Variants in CCDC50 observed in about 807,000 individuals in gnomAD.
CCDC50 encodes the protein coiled-coil domain containing 50.
In CCDC50, 54 loss-of-function variants were observed where a neutral mutation model predicts 70.2. That is an observed-to-expected ratio of 0.77 (90% CI 0.62 to 0.96). The LOEUF is 0.96. Ranked by LOEUF, CCDC50 falls within the 50% of genes least tolerant of loss-of-function variation. The pLI is 0.00. For missense variants in CCDC50, 558 were observed against 578.7 expected (o/e 0.96, Z 0.37); for synonymous variants, 216 against 198.8 (o/e 1.09, Z -0.73).
chr3:191,369,728 A>G (rs1308465996), intron 4 of CCDC50, among the ~76,000 whole-genome samples, 191 bp from the exon 5 acceptor site: 1 of 152,158 alleles, frequency 6.6e-6, no homozygotes, highest in Non-Finnish European at 1.5e-5. Context: ...AGCCTGTCTC[A>G]CTTATCTAGA....
intron 4 of CCDC50, among the ~76,000 whole-genome samples, chr3:191,362,228 T>A (rs1357654204): frequency 6.6e-6 from 1 of 152,088 alleles, no homozygotes; most frequent in Non-Finnish European, 1.5e-5. Flanking sequence ...GCTTAAGTGA[T>A]CCTCTCTGCC....
At position 191,380,808 on chromosome 3, in the gene CCDC50, A is replaced by G. The variant is rs758468377; in HGVS notation, c.1138-20A>G. 5.6e-6 allele frequency: 9 copies of G among 1,612,378 alleles called. No individual in the cohort carries two copies. In the South Asian group the frequency reaches 7.7e-5, roughly 14 times the overall value. ...TATCTGCACCTCTGCAGTTAATGAT[A>G]TTGACTGTATTTTGTTTAGGAAATC... On this transcript the variant is annotated intron_variant, in intron 8 of 11. Coordinates refer to ENST00000392455, the MANE Select transcript of CCDC50 (RefSeq NM_178335.3).
chr3:191,385,740 A>C (rs979142302), intron 10 of CCDC50, among the ~76,000 whole-genome samples: 3 of 151,932 alleles, frequency 2.0e-5, no homozygotes, highest in African/African-American at 7.3e-5. Flanking sequence ...CAGTGTTGAG[A>C]ATAGTCTTTC....
chr3:191,378,431 G>T (rs1415398773), intron 6 of CCDC50, among the ~76,000 whole-genome samples: 2 of 152,068 alleles, frequency 1.3e-5, no homozygotes, highest in South Asian at 4.1e-4. Context: ...AGAAAATTTG[G>T]TCTCTTGAAA....
At chr3:191,374,885 G>A (rs1215408375) in intron 5 of CCDC50, among the ~76,000 whole-genome samples, 177 bp from the exon 6 acceptor site, 2 of 152,102 alleles carry the variant, frequency 1.3e-5, no homozygotes, top group African/African-American at 4.8e-5. Context: ...CTTTAGGTAT[G>A]CATGAACTGT....
At chr3:191,341,079 G>C (rs572418934) in intron 1 of CCDC50, among the ~76,000 whole-genome samples, 4 of 151,868 alleles carry the variant, frequency 2.6e-5, no homozygotes, top group African/African-American at 9.7e-5. Context: ...TCCCAGCTTA[G>C]CCTGCACTGG....
At chr3:191,358,758 T>G (rs1241454372) in intron 3 of CCDC50, among the ~76,000 whole-genome samples, 3 of 152,228 alleles carry the variant, frequency 2.0e-5, no homozygotes, top group Admixed American at 1.3e-4. Flanking sequence ...CAGGATACAT[T>G]TCTTCTTTGA....
In CCDC50 at chr3:191,395,403, A is replaced by G. The variant is rs1713830629; in HGVS notation, c.*3643A>G. Reference sequence around the variant, plus strand: ...GGAAATACCCACTATAATATGGTGCATTCAGTTTACTCCACAAGTGGTTAA... The same window carrying G: ...GGAAATACCCACTATAATATGGTGCGTTCAGTTTACTCCACAAGTGGTTAA... On this transcript the variant is annotated 3_prime_UTR_variant, in exon 12 of 12. Transcript: ENST00000392455. The G allele has an allele frequency of 1.3e-5, 2 of 152,180 alleles. No individual in the cohort carries two copies. Among genetic ancestry groups the G allele is most frequent in the South Asian group, 4.1e-4 (2 of 4,832 alleles). The allele number at this position is 152,180 out of a possible 1,614,324, so 9.4% of individuals were successfully genotyped here.
At chr3:191,333,086 T>C (rs1040863140) in intron 1 of CCDC50, among the ~76,000 whole-genome samples, 1 of 151,780 alleles carries the variant, frequency 6.6e-6, no homozygotes, top group Non-Finnish European at 1.5e-5. Flanking sequence ...AAAGTTCCAC[T>C]GTCTCAAAGT....
intron 10 of CCDC50, among the ~76,000 whole-genome samples, chr3:191,384,491 A>G (rs1158993413): frequency 6.6e-6 from 1 of 152,154 alleles, no homozygotes; most frequent in Admixed American, 6.5e-5. Flanking sequence ...AGGATTGAAA[A>G]ACATGGCACT....
intron 4 of CCDC50, among the ~76,000 whole-genome samples, chr3:191,363,409 T>C (rs563357235): frequency 6.6e-6 from 1 of 152,330 alleles, no homozygotes; most frequent in African/African-American, 2.4e-5. Context: ...TCATTAACTA[T>C]TTAGCTTGGT....
At chr3:191,330,128 T>C (rs1309239469) in intron 1 of CCDC50, among the ~76,000 whole-genome samples, 4 of 152,050 alleles carry the variant, frequency 2.6e-5, no homozygotes, top group Admixed American at 2.6e-4. Flanking sequence ...TTCAGTTCCG[T>C]GTGGAGCCTT....
intron 1 of CCDC50, among the ~76,000 whole-genome samples, chr3:191,335,217 C>T (rs1718102020): frequency 6.6e-6 from 1 of 152,114 alleles, no homozygotes; most frequent in African/African-American, 2.4e-5. Context: ...TAAGTAAATG[C>T]TGCTTGAAAT....
At chr3:191,329,812 C>G in intron 1 of CCDC50, 89 bp downstream of exon 1, 2 of 1,390,030 alleles carry the variant, frequency 1.4e-6, no homozygotes, top group East Asian at 2.6e-5. Flanking sequence ...TTTCGGCTCC[C>G]GCGGCCCTCG....
At chr3:191,343,897 T>G (rs1711819186) in intron 1 of CCDC50, among the ~76,000 whole-genome samples, 1 of 152,210 alleles carries the variant, frequency 6.6e-6, no homozygotes, top group African/African-American at 2.4e-5. Flanking sequence ...AATCAGAAAT[T>G]TGTTCACTTT....
At chr3:191,356,243 C>G (rs1018427194) in intron 1 of CCDC50, among the ~76,000 whole-genome samples, 2 of 152,128 alleles carry the variant, frequency 1.3e-5, no homozygotes, top group East Asian at 1.9e-4. Flanking sequence ...TGTATGTTTA[C>G]GAAGCAGGAG....
Position 191,375,333 on chromosome 3 carries a change from G to C in CCDC50, c.720G>C (p.Thr240=). The stretch of plus-strand genomic sequence containing the variant: ...GGCCTCGGAGACCTCTGCTTCCCAC[G>C]ATCAGTGGTGAAGTGTTTCTGAGCA... ...QERPRRPLLP[T]ISGEVFLSTE... The change falls in exon 6 of 12, where the codon ACG becomes ACC. Residue 240 remains threonine, a synonymous_variant. Coordinates refer to ENST00000392455, the MANE Select transcript of CCDC50 (RefSeq NM_178335.3). 1.2e-6 allele frequency: 2 copies of C among 1,613,646 alleles called. No individual in the cohort carries two copies. The highest frequency in any genetic ancestry group is 1.7e-6 in the Non-Finnish European group (2 of 1,179,798).
At chr3:191,382,936 G>A in intron 10 of CCDC50, 111 bp downstream of exon 10, 1 of 771,934 alleles carries the variant, frequency 1.3e-6, no homozygotes, top group South Asian at 1.5e-5. Flanking sequence ...CCAAAAATCT[G>A]CATTTGTAAG....
Position 191,395,389 on chromosome 3 carries a change from C to G in CCDC50, c.*3629C>G, listed in dbSNP as rs1312071154. On this transcript the variant is annotated 3_prime_UTR_variant, in exon 12 of 12. Transcript: ENST00000392455. ...TGTTGTGCCAAATTGGAAATACCCA[C>G]TATAATATGGTGCATTCAGTTTACT... 1 of 152,160 alleles carries G rather than the reference C, an allele frequency of 6.6e-6. No homozygotes were observed. Among genetic ancestry groups the G allele is most frequent in the Non-Finnish European group, 1.5e-5 (1 of 67,996 alleles). The allele number at this position is 152,160 out of a possible 1,614,324, so 9.4% of individuals were successfully genotyped here.
Sources: gnomAD v4.1 joint callset for allele counts (sites outside exome capture counted in the v4.1 genomes callset) on GRCh38, gnomAD v4.1.1 for gene constraint, MANE v1.5 for transcripts, NCBI Gene and HGNC (gene_info 2026-07-23, HGNC 2026-07-21) for gene names.